The following ARHGAP15 variants were observed in gnomAD, a reference collection of about 807,000 sequenced individuals.
The protein encoded by ARHGAP15 is Rho GTPase activating protein 15, also known as rho GTPase-activating protein 15.
A neutral mutation model predicts 63.7 loss-of-function variants in ARHGAP15; 51 were observed. The observed-to-expected ratio is 0.80, with a 90% CI of 0.64 to 1.01. The LOEUF (loss-of-function observed/expected upper bound fraction) is 1.01, where lower values mean the gene tolerates loss of function less well. ARHGAP15 is among the 50% of genes least tolerant of loss of function. The pLI, the probability that ARHGAP15 is intolerant of heterozygous loss-of-function variation, is 0.00. For synonymous variants in ARHGAP15, 191 were observed against 193.8 expected (o/e 0.99, Z 0.12); for missense variants, 560 against 564.6 (o/e 0.99, Z 0.08).
intron 2 of ARHGAP15, among the ~76,000 whole-genome samples, chr2:143,182,669 C>T (rs763358740): frequency 7.9e-5 from 12 of 152,066 alleles, no homozygotes; most frequent in Non-Finnish European, 1.3e-4. Context: ...AGGACTGGCC[C>T]TAGTAAGGCA....
At chr2:143,332,686 C>T (rs1354166594) in intron 6 of ARHGAP15, among the ~76,000 whole-genome samples, 2 of 152,052 alleles carry the variant, frequency 1.3e-5, no homozygotes, top group African/African-American at 4.8e-5. Flanking sequence ...AGAGGTTACG[C>T]CGATTGCTTT....
At chr2:143,722,175 A>ACACACACACACACACT (rs530744322) in intron 13 of ARHGAP15, among the ~76,000 whole-genome samples, 2 of 149,982 alleles carry the variant, frequency 1.3e-5, no homozygotes, top group Non-Finnish European at 3.0e-5. Context: ...GAAAAGAAAC[A>ACACACACACACACACT]CACACACACA....
At chr2:143,693,354 T>C (rs928756468) in intron 12 of ARHGAP15, among the ~76,000 whole-genome samples, 50 of 152,222 alleles carry the variant, frequency 3.3e-4, no homozygotes, top group African/African-American at 1.2e-3. Context: ...TGAAACAATC[T>C]TGATTTGCTT....
chr2:143,316,286 T>C (rs1683704327), intron 6 of ARHGAP15, among the ~76,000 whole-genome samples: 2 of 151,796 alleles, frequency 1.3e-5, no homozygotes, highest in Admixed American at 6.6e-5. Context: ...TGACAACTGC[T>C]GAGATTTGTT....
chr2:143,364,644 G>T (rs1016794899), intron 6 of ARHGAP15, among the ~76,000 whole-genome samples: 2 of 152,176 alleles, frequency 1.3e-5, no homozygotes, highest in Non-Finnish European at 2.9e-5. Flanking sequence ...GCTTGGTTTT[G>T]AAGTACGCAC....
chr2:143,574,080 A>G (rs143550213), intron 11 of ARHGAP15, among the ~76,000 whole-genome samples: 30 of 152,330 alleles, frequency 2.0e-4, no homozygotes, highest in African/African-American at 6.7e-4. Context: ...GTATCTGAAA[A>G]TAGTGGTACC....
chr2:143,535,272 A>G (rs1391744739), intron 10 of ARHGAP15, among the ~76,000 whole-genome samples: 1 of 152,144 alleles, frequency 6.6e-6, no homozygotes, highest in African/African-American at 2.4e-5. Flanking sequence ...TTCCTCTCCC[A>G]TTATGTACTT....
chr2:143,446,618 T>C (rs1420581562), intron 8 of ARHGAP15, among the ~76,000 whole-genome samples: 7 of 151,920 alleles, frequency 4.6e-5, no homozygotes, highest in African/African-American at 1.7e-4. Context: ...GTCAAGTGTC[T>C]GTTGCCATTT....
intron 6 of ARHGAP15, among the ~76,000 whole-genome samples, chr2:143,406,660 T>C (rs915495665): frequency 6.6e-6 from 1 of 151,980 alleles, no homozygotes; most frequent in Non-Finnish European, 1.5e-5. Context: ...CATTATTTTA[T>C]TTTCTCACAT....
chr2:143,634,010 T>C (rs1239985241), intron 12 of ARHGAP15, among the ~76,000 whole-genome samples: 1 of 152,124 alleles, frequency 6.6e-6, no homozygotes, highest in Non-Finnish European at 1.5e-5. Flanking sequence ...ATTCTAGTTC[T>C]AAAATACACG....
In ARHGAP15 at chr2:143,547,534, G is replaced by A. The variant is rs146175610; in HGVS notation, c.926-8874G>A. Among the ~76,000 whole-genome samples, 761 of 149,506 alleles carry A rather than the reference G, an allele frequency of 5.1e-3. 7 individuals carry two copies. The highest frequency in any genetic ancestry group is 0.017 in the African/African-American group (696 of 40,508). On this transcript the variant is annotated intron_variant, in intron 10 of 13. Transcript: ENST00000295095. ...AAAGTATACTACTGCCTATACTTCC[G>A]GATTCCAAAGGTATAGATAAGCATC... is the stretch of plus-strand genomic sequence containing the variant.
intron 1 of ARHGAP15, among the ~76,000 whole-genome samples, chr2:143,138,436 C>T (rs746888642): frequency 9.2e-5 from 14 of 152,186 alleles, no homozygotes; most frequent in Non-Finnish European, 2.1e-4. Context: ...GAACTTTATT[C>T]ATGAGGCCCT....
chr2:143,508,874 C>G (rs1028414409), intron 9 of ARHGAP15, among the ~76,000 whole-genome samples: 1 of 152,122 alleles, frequency 6.6e-6, no homozygotes. Flanking sequence ...AACGAGGGGC[C>G]AAAGGGTACT....
chr2:143,437,763 C>T (rs541696933), intron 8 of ARHGAP15, among the ~76,000 whole-genome samples: 31 of 152,256 alleles, frequency 2.0e-4, no homozygotes, highest in Admixed American at 5.2e-4. Context: ...AGGTAGCTCA[C>T]GCCTGTAATC....
At chr2:143,488,609 G>T (rs78097859) in intron 9 of ARHGAP15, among the ~76,000 whole-genome samples, 9,419 of 152,244 alleles carry the variant, frequency 0.062, 471 homozygotes, top group East Asian at 0.21. Context: ...TAGAAATCGA[G>T]AGGTGATTTA....
At chr2:143,259,616 T>G (rs1412346917) in intron 6 of ARHGAP15, among the ~76,000 whole-genome samples, 1 of 152,166 alleles carries the variant, frequency 6.6e-6, no homozygotes, top group African/African-American at 2.4e-5. Flanking sequence ...TCGGTTTGAC[T>G]GGGTGCTCTC....
intron 12 of ARHGAP15, among the ~76,000 whole-genome samples, chr2:143,673,784 A>ATGTATATATATATGTATAT (rs71404481): frequency 8.8e-6 from 1 of 114,214 alleles, no homozygotes; most frequent in African/African-American, 2.9e-5. Context: ...ATATATATAT[A>ATGTATATATATATGTATAT]AACAACTCCT....
At chr2:143,484,365 C>CA (rs377516856) in intron 8 of ARHGAP15, among the ~76,000 whole-genome samples, 69,821 of 125,280 alleles carry the variant, frequency 0.56, 19,530 homozygotes, top group Admixed American at 0.6. Context: ...GACTCCATCT[C>CA]AAAAAAAAAA....
chr2:143,249,500 TAAG>T (rs1235804873), intron 5 of ARHGAP15, among the ~76,000 whole-genome samples: 4 of 152,244 alleles, frequency 2.6e-5, no homozygotes, highest in Admixed American at 6.5e-5. Flanking sequence ...AAAAATATAA[TAAG>T]CTTCATATAC....
Sources: allele counts gnomAD v4.1 joint callset (sites outside exome capture counted in the v4.1 genomes callset), GRCh38; gene constraint gnomAD v4.1.1; transcripts MANE v1.5; gene names NCBI Gene and HGNC (gene_info 2026-07-23, HGNC 2026-07-21).